Variants in MGAT4C observed in about 807,000 individuals in gnomAD.
MGAT4C encodes alpha-1,3-mannosyl-glycoprotein 4-beta-N-acetylglucosaminyltransferase C.
A neutral mutation model predicts 40.1 loss-of-function variants in MGAT4C; 19 were observed. The ratio of observed to expected loss-of-function variants is 0.47; its 90% CI spans 0.33 to 0.70. The LOEUF is 0.70. Among genes scored for constraint, MGAT4C ranks in the 30% least tolerant of loss-of-function variants. The pLI, the probability that MGAT4C is intolerant of heterozygous loss-of-function variation, is 0.02. For missense variants in MGAT4C, 491 were observed against 563.2 expected (o/e 0.87, Z 1.30); for synonymous variants, 181 against 187.1 (o/e 0.97, Z 0.27).
chr12:86,789,159 G>A (rs1198123034), intron 1 of MGAT4C, among the ~76,000 whole-genome samples: 1 of 152,026 alleles, frequency 6.6e-6, no homozygotes, highest in East Asian at 1.9e-4. Flanking sequence ...AGGTATTCAC[G>A]ACACTTCTTG....
chr12:86,102,554 T>A (rs1337905721), intron 1 of MGAT4C, among the ~76,000 whole-genome samples: 1 of 152,054 alleles, frequency 6.6e-6, no homozygotes, highest in African/African-American at 2.4e-5. Context: ...GCCATCAAAG[T>A]AGTTTAGAAG....
At chr12:86,724,824 C>T (rs1185609055) in intron 2 of MGAT4C, among the ~76,000 whole-genome samples, 1 of 152,208 alleles carries the variant, frequency 6.6e-6, no homozygotes. Context: ...AACATTACTG[C>T]ACCCAAAGCA....
In MGAT4C at chr12:85,992,290, G is replaced by A. The variant is rs575873867; in HGVS notation, c.-6-2738C>T. Among the ~76,000 whole-genome samples, 3 of 152,292 alleles carry A rather than the reference G, an allele frequency of 2.0e-5. No homozygotes were observed. In the East Asian group the frequency reaches 5.8e-4, roughly 29 times the overall value. On this transcript the variant is annotated intron_variant, in intron 2 of 4. Transcript: ENST00000611864. The stretch of plus-strand genomic sequence containing the variant: ...CCTCTACTGGGTGTTGAGAATGTTG[G>A]CTTTGTTTCAATCCAGTGTCCTTTC...
intron 4 of MGAT4C, among the ~76,000 whole-genome samples, chr12:86,290,890 G>A (rs969318927): frequency 6.6e-6 from 1 of 152,128 alleles, no homozygotes; most frequent in Non-Finnish European, 1.5e-5. Context: ...TTACAAGAAA[G>A]AGATGAGCTC....
At chr12:86,222,031 T>A (rs1158029283) in intron 1 of MGAT4C, among the ~76,000 whole-genome samples, 1 of 152,230 alleles carries the variant, frequency 6.6e-6, no homozygotes, top group African/African-American at 2.4e-5. Flanking sequence ...GGTGTTGTGA[T>A]AATGTAAAAT....
intron 1 of MGAT4C, among the ~76,000 whole-genome samples, chr12:86,229,474 A>T (rs1951229302): frequency 6.6e-6 from 1 of 152,032 alleles, no homozygotes; most frequent in Non-Finnish European, 1.5e-5. Flanking sequence ...CAAATTGGAA[A>T]TTGGAGACAA....
chr12:86,607,983 C>T (rs1247571891), intron 2 of MGAT4C, among the ~76,000 whole-genome samples: 1 of 152,040 alleles, frequency 6.6e-6, no homozygotes, highest in Non-Finnish European at 1.5e-5. Flanking sequence ...CAATCCTTCT[C>T]CCTCAGCCTT....
intron 1 of MGAT4C, among the ~76,000 whole-genome samples, chr12:86,109,282 G>A (rs779330316): frequency 6.6e-6 from 1 of 152,082 alleles, no homozygotes; most frequent in Non-Finnish European, 1.5e-5. Context: ...TTTTTGTGGA[G>A]AGTTTCCAGA....
intron 3 of MGAT4C, among the ~76,000 whole-genome samples, chr12:86,365,443 A>C (rs1922746): frequency 0.65 from 99,255 of 151,984 alleles, 33,172 homozygotes; most frequent in South Asian, 0.77. Flanking sequence ...CGGGATTAAG[A>C]GATTAAAGAC....
intron 2 of MGAT4C, among the ~76,000 whole-genome samples, chr12:86,598,483 G>T (rs1259624630): frequency 6.6e-6 from 1 of 152,064 alleles, no homozygotes. Context: ...TTTACTGTGA[G>T]CTGTGGTTTC....
intron 1 of MGAT4C, among the ~76,000 whole-genome samples, chr12:86,760,895 C>T (rs1271598266): frequency 1.3e-5 from 2 of 152,048 alleles, no homozygotes; most frequent in Non-Finnish European, 2.9e-5. Context: ...AAAATGCAAA[C>T]TCATTTGTAC....
intron 1 of MGAT4C, among the ~76,000 whole-genome samples, chr12:86,235,520 G>A (rs1951498106): frequency 6.6e-6 from 1 of 151,866 alleles, no homozygotes; most frequent in African/African-American, 2.4e-5. Flanking sequence ...CCTTGTTTCA[G>A]CCTCTGTCAC....
chr12:86,535,436 T>A (rs551446440), intron 2 of MGAT4C, among the ~76,000 whole-genome samples: 41 of 152,186 alleles, frequency 2.7e-4, no homozygotes, highest in African/African-American at 9.4e-4. Flanking sequence ...CATTATGTAT[T>A]AAAGTTTTTT....
At chr12:86,750,596 G>C (rs949367673) in intron 1 of MGAT4C, among the ~76,000 whole-genome samples, 1 of 151,696 alleles carries the variant, frequency 6.6e-6, no homozygotes, top group African/African-American at 2.4e-5. Flanking sequence ...ATTACATTTG[G>C]GAAGATATTA....
intron 2 of MGAT4C, among the ~76,000 whole-genome samples, chr12:86,012,628 T>C (rs1425162769): frequency 1.3e-5 from 2 of 151,900 alleles, no homozygotes; most frequent in African/African-American, 2.4e-5. Context: ...GGTGGGCGCC[T>C]GTAATCCTAG....
intron 2 of MGAT4C, among the ~76,000 whole-genome samples, chr12:86,457,684 A>G (rs1017154371): frequency 6.6e-6 from 1 of 152,154 alleles, no homozygotes; most frequent in Non-Finnish European, 1.5e-5. Flanking sequence ...AGAGACTTCT[A>G]GTCACAGACT....
At chr12:86,838,448 T>C (rs1953085258) in intron 1 of MGAT4C, among the ~76,000 whole-genome samples, 1 of 152,216 alleles carries the variant, frequency 6.6e-6, no homozygotes, top group Non-Finnish European at 1.5e-5. Context: ...TGTGATTTTT[T>C]CTGTTTTTGC....
chr12:86,250,348 A>AGAGG (rs1239573549), intron 1 of MGAT4C, among the ~76,000 whole-genome samples: 1 of 150,466 alleles, frequency 6.6e-6, no homozygotes, highest in Non-Finnish European at 1.5e-5. Context: ...AGAGAGAGAG[A>AGAGG]GAGAGAGAGA....
intron 2 of MGAT4C, among the ~76,000 whole-genome samples, chr12:86,714,083 A>G (rs1228615000): frequency 5.3e-5 from 8 of 152,116 alleles, no homozygotes; most frequent in Non-Finnish European, 1.0e-4. Context: ...TTAACTTGAA[A>G]TTTTTATAGA....
Sources: allele counts gnomAD v4.1 joint callset (sites outside exome capture counted in the v4.1 genomes callset), GRCh38; gene constraint gnomAD v4.1.1; transcripts MANE v1.5; gene names NCBI Gene and HGNC (gene_info 2026-07-23, HGNC 2026-07-21).